CSMD3: variants seen among roughly 807,000 people sequenced by gnomAD.
CSMD3 encodes the protein CUB and sushi domain-containing protein 3.
Under a neutral mutation model 435.2 loss-of-function variants are expected in CSMD3, and 177 were observed. That is an observed-to-expected ratio of 0.41 (90% confidence interval 0.36 to 0.46). The LOEUF is 0.46. Among genes scored for constraint, CSMD3 ranks in the 20% least tolerant of loss-of-function variants. The pLI is 0.34. For synonymous variants in CSMD3, 1,656 were observed against 1,520.5 expected, an observed-to-expected ratio of 1.09 and a Z score of -2.07; for missense variants, 4,265 against 4,504.6, an observed-to-expected ratio of 0.95 and a Z score of 1.52.
intron 27 of CSMD3, among the ~76,000 whole-genome samples, chr8:112,537,801 T>C (rs2131116639): frequency 6.6e-6 from 1 of 151,962 alleles, no homozygotes; most frequent in African/African-American, 2.4e-5. Flanking sequence ...ACCAAACATT[T>C]AGAGAAGACC....
chr8:113,244,474 CCTGA>C (rs1184232362), intron 3 of CSMD3, among the ~76,000 whole-genome samples: 2 of 152,070 alleles, frequency 1.3e-5, no homozygotes, highest in African/African-American at 2.4e-5. Flanking sequence ...TGTCACCACG[CCTGA>C]CTAATTTTTG....
chr8:113,039,764 A>C (rs2087523577), intron 5 of CSMD3, among the ~76,000 whole-genome samples: 1 of 152,230 alleles, frequency 6.6e-6, no homozygotes, highest in East Asian at 1.9e-4. Flanking sequence ...GATAGTTGGC[A>C]ACAAAAATTT....
chr8:112,315,684 A>G (rs1488721612), intron 47 of CSMD3, among the ~76,000 whole-genome samples: 1 of 151,844 alleles, frequency 6.6e-6, no homozygotes, highest in Admixed American at 6.6e-5. Context: ...AGACTGGACT[A>G]TCTTTTGGGT....
chr8:113,403,736 G>T (rs2094520438), intron 1 of CSMD3, among the ~76,000 whole-genome samples: 1 of 151,422 alleles, frequency 6.6e-6, no homozygotes, highest in Non-Finnish European at 1.5e-5. Context: ...GGTGATAAAA[G>T]TTCATCTCAC....
chr8:113,412,980 A>G (rs1378210259), intron 1 of CSMD3, among the ~76,000 whole-genome samples: 9 of 152,066 alleles, frequency 5.9e-5, no homozygotes, highest in Admixed American at 5.2e-4. Context: ...CCTATTAGAT[A>G]TATATATAAT....
At chr8:112,436,410 T>C (rs1814356605) in intron 32 of CSMD3, among the ~76,000 whole-genome samples, 1 of 151,930 alleles carries the variant, frequency 6.6e-6, no homozygotes, top group African/African-American at 2.4e-5. Flanking sequence ...AAAGGTCCCC[T>C]TCTTTTATCC....
intron 43 of CSMD3, 95 bp from the exon 44 acceptor site, chr8:112,336,924 T>G: frequency 9.6e-7 from 1 of 1,042,614 alleles, no homozygotes; most frequent in Non-Finnish European, 1.5e-6. Context: ...TTAAGCATTA[T>G]GAAACACATT....
chr8:112,509,952 C>A (rs1822930706), intron 28 of CSMD3, among the ~76,000 whole-genome samples: 1 of 152,206 alleles, frequency 6.6e-6, no homozygotes, highest in Admixed American at 6.5e-5. Context: ...AGCCTAAATA[C>A]TCAACCTCAA....
intron 44 of CSMD3, 77 bp from the exon 45 acceptor site, chr8:112,335,551 G>A (rs1586802602): frequency 1.6e-6 from 2 of 1,232,538 alleles, no homozygotes; most frequent in South Asian, 2.5e-5. Flanking sequence ...TTTAATAAAA[G>A]TATTGCATAT....
intron 5 of CSMD3, among the ~76,000 whole-genome samples, chr8:113,064,349 A>G (rs1323680094): frequency 6.6e-6 from 1 of 152,030 alleles, no homozygotes; most frequent in African/African-American, 2.4e-5. Context: ...CATTTCATTA[A>G]AATATATAGA....
chr8:112,581,826 GAA>G (rs1243387658), intron 23 of CSMD3, among the ~76,000 whole-genome samples: 2 of 152,128 alleles, frequency 1.3e-5, no homozygotes, highest in East Asian at 3.9e-4. Context: ...ATTAATAATG[GAA>G]AGAGATGATG....
At chr8:112,921,210 T>C (rs1464950469) in intron 10 of CSMD3, among the ~76,000 whole-genome samples, 1 of 151,988 alleles carries the variant, frequency 6.6e-6, no homozygotes, top group Non-Finnish European at 1.5e-5. Context: ...ATTAACTAAC[T>C]GTAGAACCTG....
chr8:112,550,826 C>T lies in CSMD3; in HGVS notation c.4409G>A (p.Arg1470Gln), dbSNP rs371257283. Residue 1470 changes from arginine (R) to glutamine (Q), a missense_variant, in exon 27 of 71, where the codon CGA becomes CAA. Arg to Gln is a conservative substitution (Grantham distance 43). This residue lies in a region of CSMD3 where 3,255 missense variants were observed against 3,380.2 expected (regional missense o/e 0.96). Transcript: ENST00000297405. ...ATTTTCTGGTGGACCGTCCCAGACT[C>T]GGAGTATATCATGTGATGCTTCCGT... ...FDTEASHDILRVWDGPPENDM... is the reference protein window; with the variant it reads ...FDTEASHDILQVWDGPPENDM... 5.0e-5 allele frequency: 80 copies of T among 1,612,090 alleles called. No individual in the cohort carries two copies. Among genetic ancestry groups the T allele is most frequent in the African/African-American group, 6.7e-5 (5 of 74,766 alleles).
intron 3 of CSMD3, among the ~76,000 whole-genome samples, chr8:113,191,855 G>C (rs1034544266): frequency 6.6e-6 from 1 of 151,724 alleles, no homozygotes; most frequent in African/African-American, 2.4e-5. Context: ...GGCTGAGCTA[G>C]TTTGCATTCC....
chr8:113,187,317 C>T (rs573745912), intron 3 of CSMD3, among the ~76,000 whole-genome samples: 2 of 151,834 alleles, frequency 1.3e-5, no homozygotes, highest in South Asian at 2.1e-4. Flanking sequence ...CCTGAGATCA[C>T]CACTGGAGTA....
At chr8:113,202,108 C>T (rs2092721711) in intron 3 of CSMD3, among the ~76,000 whole-genome samples, 1 of 152,074 alleles carries the variant, frequency 6.6e-6, no homozygotes, top group Admixed American at 6.6e-5. Flanking sequence ...AATCGTAACA[C>T]TTGACTTCAT....
intron 4 of CSMD3, among the ~76,000 whole-genome samples, chr8:113,153,246 GAGAA>G (rs1368120566): frequency 2.0e-5 from 3 of 149,560 alleles, no homozygotes; most frequent in African/African-American, 4.9e-5. Context: ...AGAAAGAAGA[GAGAA>G]AGAAAGGAAG....
At chr8:112,729,758 G>T (rs2077038231) in intron 13 of CSMD3, among the ~76,000 whole-genome samples, 1 of 152,042 alleles carries the variant, frequency 6.6e-6, no homozygotes, top group South Asian at 2.1e-4. Context: ...TCAAAATAGA[G>T]AGTGGAGTGA....
At chr8:112,447,427 T>C (rs536812918) in intron 32 of CSMD3, among the ~76,000 whole-genome samples, 2 of 152,278 alleles carry the variant, frequency 1.3e-5, no homozygotes, top group Non-Finnish European at 2.9e-5. Flanking sequence ...TTTTAATAAG[T>C]CTCTTTAATA....
Sources: gnomAD v4.1 joint callset for allele counts (sites outside exome capture counted in the v4.1 genomes callset) on GRCh38, gnomAD v4.1.1 for gene constraint, gnomAD v4.1.1 regional missense constraint, MANE v1.5 for transcripts, NCBI Gene and HGNC (gene_info 2026-07-23, HGNC 2026-07-21) for gene names.